C5orf46: variants seen among roughly 807,000 people sequenced by gnomAD.
The protein encoded by C5orf46 is uncharacterized protein C5orf46.
Under a neutral mutation model 8.9 loss-of-function variants are expected in C5orf46, and 9 were observed. That is an observed-to-expected ratio of 1.01 (90% CI 0.61 to 1.76). The LOEUF (loss-of-function observed/expected upper bound fraction) is 1.76. Ranked by LOEUF, C5orf46 falls within the 40% of genes most tolerant of loss-of-function variation. The pLI, the probability that C5orf46 is intolerant of heterozygous loss-of-function variation, is 0.00. For synonymous variants in C5orf46, 47 were observed against 41.4 expected, an observed-to-expected ratio of 1.14 and a Z score of -0.52; for missense variants, 98 against 107.8, an observed-to-expected ratio of 0.91 and a Z score of 0.40.
At chr5:147,906,193 C>T (rs1757748554) in intron 1 of C5orf46, among the ~76,000 whole-genome samples, 1 of 152,136 alleles carries the variant, frequency 6.6e-6, no homozygotes, top group Non-Finnish European at 1.5e-5. Context: ...GTCATTATAT[C>T]ATAAGAGCAC....
intron 2 of C5orf46, chr5:147,886,966 A>C (rs991791759): frequency 3.3e-5 from 5 of 152,206 alleles, no homozygotes; most frequent in Middle Eastern, 3.4e-3. Flanking sequence ...GAGAAGTGCC[A>C]TTTCCAAAGA....
At chr5:147,887,234 C>A (rs1757436684) in intron 2 of C5orf46, 1 of 152,156 alleles carries the variant, frequency 6.6e-6, no homozygotes, top group Admixed American at 6.6e-5. Flanking sequence ...AGAGGGCGCT[C>A]ATTATTAGCA....
At chr5:147,898,495 C>T (rs544280695) in intron 2 of C5orf46, among the ~76,000 whole-genome samples, 126 of 152,082 alleles carry the variant, frequency 8.3e-4, no homozygotes, top group African/African-American at 2.9e-3. Flanking sequence ...GGTAGAAAAA[C>T]GATGGAATTT....
chr5:147,893,696 C>A (rs527739799), intron 3 of C5orf46, among the ~76,000 whole-genome samples: 23 of 152,242 alleles, frequency 1.5e-4, no homozygotes, highest in African/African-American at 5.1e-4. Context: ...GCATGTGCCA[C>A]CATGCCCGGC....
intron 3 of C5orf46, 25 bp downstream of exon 3, chr5:147,896,959 T>C (rs1296727632): frequency 3.9e-6 from 5 of 1,288,624 alleles, no homozygotes; most frequent in Admixed American, 4.0e-5. Flanking sequence ...GTTATTTCAG[T>C]TGTAAATTTT....
chr5:147,897,007 G>A lies in C5orf46; in HGVS notation c.250C>T (p.His84Tyr). Residue 84 changes from histidine to tyrosine, a missense_variant, in exon 3 of 4, where the codon CAT becomes TAT. Coordinates refer to ENST00000318315, the MANE Select transcript of C5orf46 (RefSeq NM_206966.3). The part of the protein sequence containing the change: ...FMEFDDNEGK[H>Y]SSK Reference sequence around the variant, plus strand: ...ACCTGAGGATGTCACTTTGATGAATGTTTTCCTTCATTATCATCAAATTCC... The same window carrying A: ...ACCTGAGGATGTCACTTTGATGAATATTTTCCTTCATTATCATCAAATTCC... The A allele has an allele frequency of 1.3e-6, 2 of 1,513,518 alleles. No individual in the cohort carries two copies. Among genetic ancestry groups the A allele is most frequent in the Middle Eastern group, 1.8e-4 (1 of 5,616 alleles). 93.8% of individuals were successfully genotyped at this position (1,513,518 alleles called of 1,614,324 possible). A position where few individuals can be genotyped will look rare whatever the true frequency, so the allele number is the denominator to read the frequency against.
chr5:147,889,861 G>A (rs988445092), downstream of C5orf46, among the ~76,000 whole-genome samples: 4 of 152,094 alleles, frequency 2.6e-5, no homozygotes, highest in African/African-American at 9.7e-5. Flanking sequence ...CATTTATGCA[G>A]GACCAAGCAT....
intron 2 of C5orf46, chr5:147,887,519 C>T (rs564634005): frequency 1.3e-5 from 2 of 152,072 alleles, no homozygotes; most frequent in Admixed American, 1.3e-4. Flanking sequence ...TTCATTGTTT[C>T]CTCCATATAT....
rs571444718 is a variant in C5orf46 at position 147,897,453 on chromosome 5, C to T, written c.216-412G>A. 2.0e-5 allele frequency among the ~76,000 whole-genome samples: 3 copies of T among 152,304 alleles called. No homozygotes were observed. In the East Asian group the frequency reaches 5.8e-4, roughly 29 times the overall value. Reference sequence around the variant, plus strand: ...AAGATTAAACAACCTGTCCAAAGCACATGGCTGGTAAGTTACAAAGAAAAT... The same window carrying T: ...AAGATTAAACAACCTGTCCAAAGCATATGGCTGGTAAGTTACAAAGAAAAT... On this transcript the variant is annotated intron_variant, in intron 2 of 3. Coordinates refer to ENST00000318315, the MANE Select transcript of C5orf46 (RefSeq NM_206966.3).
chr5:147,903,180 C>G (rs898611968), intron 1 of C5orf46, among the ~76,000 whole-genome samples: 19 of 152,166 alleles, frequency 1.2e-4, no homozygotes, highest in African/African-American at 4.1e-4. Context: ...GAGCCCTGGT[C>G]ACAGGATAAA....
intron 2 of C5orf46, chr5:147,886,711 G>A (rs1757425784): frequency 6.6e-6 from 1 of 150,814 alleles, no homozygotes; most frequent in African/African-American, 2.4e-5. Flanking sequence ...TGTTATCTAT[G>A]TGAATATTAA....
At chr5:147,896,006 T>A (rs2127126940) in intron 3 of C5orf46, among the ~76,000 whole-genome samples, 1 of 152,224 alleles carries the variant, frequency 6.6e-6, no homozygotes, top group South Asian at 2.1e-4. Flanking sequence ...CCAGACCAGA[T>A]CACAAACAGA....
chr5:147,902,165 T>C (rs779140589), intron 1 of C5orf46, among the ~76,000 whole-genome samples: 3 of 152,122 alleles, frequency 2.0e-5, no homozygotes, highest in Non-Finnish European at 2.9e-5. Context: ...TAAAGATAAA[T>C]TATCAACTGG....
At chr5:147,900,779 G>A (rs1307673514) in intron 2 of C5orf46, among the ~76,000 whole-genome samples, 1 of 152,238 alleles carries the variant, frequency 6.6e-6, no homozygotes, top group Non-Finnish European at 1.5e-5. Context: ...GAAAATTAGA[G>A]AGCAGAGGCT....
At position 147,898,293 on chromosome 5, in the gene C5orf46, C is replaced by T. The variant is rs182172283; in HGVS notation, c.216-1252G>A. 1.9e-3 allele frequency among the ~76,000 whole-genome samples: 295 copies of T among 152,180 alleles called. 3 individuals are homozygous for T. The highest frequency in any genetic ancestry group is 2.5e-4 in the Non-Finnish European group (17 of 67,998). On this transcript the variant is annotated intron_variant, in intron 2 of 3. Coordinates refer to ENST00000318315, the MANE Select transcript of C5orf46 (RefSeq NM_206966.3). ...GAGAAATGTATATAGGGTGCATATA[C>T]ATATACCCGAGGAAGGTATATAGGG...
intron 2 of C5orf46, chr5:147,886,010 CTATT>C (rs1292142016): frequency 6.6e-6 from 1 of 152,092 alleles, no homozygotes; most frequent in African/African-American, 2.4e-5. Flanking sequence ...GGAGAACAAA[CTATT>C]TATATACACA....
chr5:147,895,767 A>G (rs764734768), intron 3 of C5orf46, among the ~76,000 whole-genome samples: 6 of 152,186 alleles, frequency 3.9e-5, no homozygotes, highest in Non-Finnish European at 7.3e-5. Flanking sequence ...GGGAATGAAG[A>G]CATACAAACA....
At chr5:147,893,615 T>C (rs925546135) in intron 3 of C5orf46, among the ~76,000 whole-genome samples, 4 of 151,994 alleles carry the variant, frequency 2.6e-5, no homozygotes, top group Non-Finnish European at 4.4e-5. Flanking sequence ...TGATCTTGGT[T>C]TACCACAACC....
At chr5:147,886,279 T>G (rs141726890) in intron 2 of C5orf46, 17 of 152,264 alleles carry the variant, frequency 1.1e-4, no homozygotes, top group African/African-American at 4.1e-4. Flanking sequence ...AATGTCAGCA[T>G]ACTGGTTTTG....
Sources: gnomAD v4.1 joint callset for allele counts (sites outside exome capture counted in the v4.1 genomes callset) on GRCh38, gnomAD v4.1.1 for gene constraint, MANE v1.5 for transcripts, NCBI Gene and HGNC (gene_info 2026-07-23, HGNC 2026-07-21) for gene names.